Variants in CCDC3 observed in about 807,000 individuals in gnomAD.
CCDC3 encodes coiled-coil domain containing 3.
CCDC3 carries 24 observed loss-of-function variants against 21.4 expected under a neutral mutation model. The ratio of observed to expected loss-of-function variants is 1.12; its 90% CI spans 0.81 to 1.58. The LOEUF is 1.58. CCDC3 is among the 40% of genes most tolerant of loss of function. CCDC3 has a pLI of 0.00. For synonymous variants in CCDC3, 186 were observed against 166.0 expected (o/e 1.12, Z -0.93); for missense variants, 425 against 360.9 (o/e 1.18, Z -1.44).
At chr10:12,928,205 A>G (rs1051345689) in intron 2 of CCDC3, among the ~76,000 whole-genome samples, 1 of 152,198 alleles carries the variant, frequency 6.6e-6, no homozygotes. Context: ...AGCCAGTACT[A>G]CAGGGAACCA....
At chr10:12,942,081 A>G (rs540151658) in intron 2 of CCDC3, among the ~76,000 whole-genome samples, 1 of 152,194 alleles carries the variant, frequency 6.6e-6, no homozygotes, top group Admixed American at 6.5e-5. Context: ...TGAGATGTCC[A>G]TTTTCTCTCT....
intron 3 of CCDC3, among the ~76,000 whole-genome samples, chr10:13,085,504 C>T (rs890635546): frequency 1.3e-5 from 2 of 152,162 alleles, no homozygotes; most frequent in African/African-American, 2.4e-5. Context: ...CACTGAAATC[C>T]GTGACCCCAT....
intron 4 of CCDC3, chr10:13,058,382 T>C: frequency 1.0e-6 from 1 of 957,714 alleles, no homozygotes; most frequent in South Asian, 1.3e-5. Context: ...TCCAGGACAA[T>C]ACGCTGCAGC....
intron 2 of CCDC3, among the ~76,000 whole-genome samples, chr10:12,904,788 A>C (rs1317732485): frequency 2.0e-5 from 3 of 152,164 alleles, no homozygotes; most frequent in Non-Finnish European, 4.4e-5. Context: ...ACCATCTAGA[A>C]TCACCTCTCA....
chr10:13,052,061 A>T (rs946777016), intron 4 of CCDC3, among the ~76,000 whole-genome samples: 1 of 152,198 alleles, frequency 6.6e-6, no homozygotes, highest in African/African-American at 2.4e-5. Flanking sequence ...TAGAAGGTGC[A>T]AATTACTAGG....
Position 13,094,075 on chromosome 10 carries a change from G to A in CCDC3, c.-503+4450C>T, listed in dbSNP as rs471062. Among the ~76,000 whole-genome samples the A allele has an allele frequency of 1.2e-3, 186 of 152,180 alleles. 3 individuals carry two copies. In the East Asian group the frequency reaches 0.021, roughly 17 times the overall value. On this transcript the variant is annotated intron_variant, in intron 3 of 6. Coordinates refer to the CCDC3 transcript ENST00000378839. ...GGAAGCAAAGACTTAACATTTCATC[G>A]GTGCTGTGCTTTGATTTGGTACAAA... is the stretch of plus-strand genomic sequence containing the variant.
chr10:12,921,620 TGTTAA>T (rs1424687794), intron 2 of CCDC3, among the ~76,000 whole-genome samples: 1 of 152,270 alleles, frequency 6.6e-6, no homozygotes, highest in East Asian at 1.9e-4. Context: ...ACTTCAGTAG[TGTTAA>T]GTACAATTAC....
At chr10:13,061,207 C>A (rs1483535934) in intron 4 of CCDC3, among the ~76,000 whole-genome samples, 2 of 152,176 alleles carry the variant, frequency 1.3e-5, no homozygotes, top group Admixed American at 6.5e-5. Context: ...ATTCTAAAAT[C>A]TTCCTGAGGA....
chr10:13,011,956 C>T (rs1476348770), intron 5 of CCDC3, among the ~76,000 whole-genome samples: 1 of 152,154 alleles, frequency 6.6e-6, no homozygotes. Flanking sequence ...AAAAGGACTC[C>T]CTATTCAACA....
intron 2 of CCDC3, among the ~76,000 whole-genome samples, chr10:12,983,153 TATATATATATATATATATATAA>T (rs1835531904): frequency 1.6e-5 from 1 of 62,780 alleles, no homozygotes; most frequent in Non-Finnish European, 3.6e-5. Flanking sequence ...TATATATATA[TATATATATATATATATATATAA>T]AATCTATAGC....
intron 2 of CCDC3, among the ~76,000 whole-genome samples, chr10:12,996,421 C>T (rs542396342): frequency 3.3e-5 from 5 of 151,332 alleles, no homozygotes; most frequent in South Asian, 2.1e-4. Flanking sequence ...CTGCAACCTC[C>T]GCCTCCTGAG....
chr10:13,099,809 A>C (rs929642961), upstream of CCDC3: 6 of 152,090 alleles, frequency 3.9e-5, no homozygotes, highest in African/African-American at 1.4e-4. Flanking sequence ...TCCAGCCTCC[A>C]CTACGGGATC....
intron 5 of CCDC3, among the ~76,000 whole-genome samples, chr10:13,025,824 T>G (rs1049905443): frequency 1.3e-5 from 2 of 152,178 alleles, no homozygotes; most frequent in Non-Finnish European, 2.9e-5. Context: ...ACGTTGCTGG[T>G]CCCTGGAAAT....
chr10:13,090,148 G>T (rs1262347813), intron 3 of CCDC3, among the ~76,000 whole-genome samples: 2 of 147,528 alleles, frequency 1.4e-5, no homozygotes, highest in African/African-American at 5.1e-5. Flanking sequence ...GAGTGCGGTG[G>T]TGTGATCTCA....
At chr10:12,985,994 G>GCC (rs1256406091) in intron 2 of CCDC3, among the ~76,000 whole-genome samples, 1 of 152,190 alleles carries the variant, frequency 6.6e-6, no homozygotes, top group Non-Finnish European at 1.5e-5. Flanking sequence ...TCCTGCCTCA[G>GCC]TCTCCTGAGT....
At chr10:13,044,595 A>G (rs550743261) in intron 5 of CCDC3, among the ~76,000 whole-genome samples, 1 of 152,296 alleles carries the variant, frequency 6.6e-6, no homozygotes, top group South Asian at 2.1e-4. Context: ...CATTTATTGA[A>G]TAGGGAGTCC....
chr10:12,913,007 C>G (rs967903460), intron 2 of CCDC3, among the ~76,000 whole-genome samples: 2 of 152,180 alleles, frequency 1.3e-5, no homozygotes, highest in African/African-American at 4.8e-5. Context: ...ATTACTATTG[C>G]TGTGTAGTAT....
intron 2 of CCDC3, among the ~76,000 whole-genome samples, chr10:12,957,706 T>C: frequency 6.6e-6 from 1 of 152,180 alleles, no homozygotes; most frequent in East Asian, 1.9e-4. Context: ...GTTCTGGCCA[T>C]ACGATGAGCC....
intron 3 of CCDC3, among the ~76,000 whole-genome samples, chr10:13,081,402 C>T (rs1335990562): frequency 6.6e-6 from 1 of 152,060 alleles, no homozygotes; most frequent in African/African-American, 2.4e-5. Flanking sequence ...AAACTTGAGC[C>T]AGCCTGGGAA....
Sources: gnomAD v4.1 joint callset for allele counts (sites outside exome capture counted in the v4.1 genomes callset) on GRCh38, gnomAD v4.1.1 for gene constraint, MANE v1.5 for transcripts, NCBI Gene and HGNC (gene_info 2026-07-23, HGNC 2026-07-21) for gene names.